The following NCOR2 variants were observed in gnomAD, a reference collection of about 807,000 sequenced individuals.
NCOR2 encodes the protein nuclear receptor corepressor 2, also known as CTG repeat protein 26.
In NCOR2, 81 loss-of-function variants were observed where a neutral mutation model predicts 262.9. The ratio of observed to expected loss-of-function variants is 0.31; its 90% CI spans 0.26 to 0.37. The LOEUF (loss-of-function observed/expected upper bound fraction) is 0.37, where lower values mean the gene tolerates loss of function less well. Among genes scored for constraint, NCOR2 ranks in the 10% least tolerant of loss-of-function variants. The pLI, the probability that NCOR2 is intolerant of heterozygous loss-of-function variation, is 1.00. For synonymous variants in NCOR2, 1,659 were observed against 1,559.3 expected (o/e 1.06, Z -1.51); for missense variants, 3,385 against 3,621.4 (o/e 0.93, Z 1.68).
intron 13 of NCOR2, among the ~76,000 whole-genome samples, chr12:124,417,180 G>GCAGGCCGGACACTCACTCCACGGAC (rs1390146903): frequency 6.7e-5 from 2 of 29,740 alleles, no homozygotes; most frequent in Non-Finnish European, 1.3e-4. Flanking sequence ...ACTCCACGCA[G>GCAGGCCGGACACTCACTCCACGGAC]AGCAGGCCGG....
chr12:124,362,158 C>T, exon 22 of NCOR2: 3 of 1,306,642 alleles, frequency 2.3e-6, no homozygotes, highest in Non-Finnish European at 2.9e-6. Context: ...CGGGCTCCTG[C>T]TCTTGCCCCG....
At chr12:124,374,602 G>A (rs1565887487) in intron 18 of NCOR2, 139 bp from the exon 21 acceptor site, 19 of 811,340 alleles carry the variant, frequency 2.3e-5, no homozygotes, top group South Asian at 1.8e-4. Flanking sequence ...CTCCTGCCCC[G>A]ACTGCCCTTC....
chr12:124,357,059 C>T (rs1161193096), intron 22 of NCOR2, among the ~76,000 whole-genome samples: 1 of 152,248 alleles, frequency 6.6e-6, no homozygotes, highest in African/African-American at 2.4e-5. Flanking sequence ...GCTTTGCAAC[C>T]CCACAAGCAC....
At chr12:124,374,274 G>A in intron 19 of NCOR2, 139 bp downstream of exon 21, 1 of 834,730 alleles carries the variant, frequency 1.2e-6, no homozygotes, top group Non-Finnish European at 1.9e-6. Flanking sequence ...AGGAAGCCCA[G>A]AGGCCGCGGA....
intron 1 of NCOR2, among the ~76,000 whole-genome samples, chr12:124,511,445 C>A (rs1346603593): frequency 6.6e-6 from 1 of 152,228 alleles, no homozygotes; most frequent in African/African-American, 2.4e-5. Flanking sequence ...GGGCACCCGG[C>A]AAACCTGGGG....
intron 22 of NCOR2, among the ~76,000 whole-genome samples, chr12:124,358,941 C>T (rs2038256135): frequency 6.6e-6 from 1 of 152,258 alleles, no homozygotes; most frequent in African/African-American, 2.4e-5. Context: ...GGTCAAAGGC[C>T]CCAGCTAGCA....
chr12:124,408,415 T>C (rs2042391342), intron 13 of NCOR2, among the ~76,000 whole-genome samples: 1 of 152,058 alleles, frequency 6.6e-6, no homozygotes, highest in South Asian at 2.1e-4. Context: ...TACCAGCTCA[T>C]GGCCATTATT....
At chr12:124,521,430 G>A (rs1031134151) in intron 1 of NCOR2, among the ~76,000 whole-genome samples, 2 of 152,170 alleles carry the variant, frequency 1.3e-5, no homozygotes, top group Non-Finnish European at 2.9e-5. Context: ...ATGGAATTCC[G>A]CCATATAAAG....
intron 6 of NCOR2, 64 bp from the exon 9 acceptor site, chr12:124,449,931 C>G: frequency 1.3e-6 from 2 of 1,540,996 alleles, no homozygotes; most frequent in African/African-American, 1.4e-5. Flanking sequence ...CAGAGCCCAC[C>G]GGTAGGAGCC....
chr12:124,564,795 G>GGGAAAC (rs1226924597), intron 1 of NCOR2, among the ~76,000 whole-genome samples: 1 of 152,072 alleles, frequency 6.6e-6, no homozygotes, highest in Non-Finnish European at 1.5e-5. Context: ...CTCAGCCAGG[G>GGGAAAC]GGAAACGGGG....
intron 44 of NCOR2, among the ~76,000 whole-genome samples, chr12:124,328,014 G>A (rs924504639): frequency 1.3e-5 from 2 of 151,326 alleles, no homozygotes; most frequent in African/African-American, 4.8e-5. Context: ...GGGCTGTTTT[G>A]TTTGTTTTTT....
chr12:124,423,889 G>T (rs544481856), intron 11 of NCOR2, among the ~76,000 whole-genome samples: 1 of 152,334 alleles, frequency 6.6e-6, no homozygotes, highest in South Asian at 2.1e-4. Flanking sequence ...AGGTTCAGAG[G>T]GGGAATGGTC....
At chr12:124,422,285 C>G (rs2043251080) in intron 12 of NCOR2, among the ~76,000 whole-genome samples, 1 of 152,208 alleles carries the variant, frequency 6.6e-6, no homozygotes, top group Admixed American at 6.5e-5. Context: ...ACCTGAGGCT[C>G]CTCCTCCATG....
intron 5 of NCOR2, among the ~76,000 whole-genome samples, chr12:124,462,116 C>T (rs530119510): frequency 2.6e-5 from 4 of 152,220 alleles, no homozygotes; most frequent in Admixed American, 6.5e-5. Context: ...TCCAAAGGCA[C>T]ACGTGTATCT....
chr12:124,434,753 CAG>C lies in NCOR2; in HGVS notation c.882+3175_882+3176del, dbSNP rs1310892508. Among the ~76,000 whole-genome samples, 17 of 152,218 alleles carry C rather than the reference CAG, an allele frequency of 1.1e-4. 1 individual carries two copies. Among genetic ancestry groups the C allele is most frequent in the African/African-American group, 4.1e-4 (17 of 41,540 alleles). On this transcript the variant is annotated intron_variant, in intron 8 of 46. Transcript: ENST00000405201. ...AGAGGATTTCCTTCCTCGCAGGAGA[CAG>C]AGGGGGAGTATTTATTAGGGGTGAA...
chr12:124,338,961 A>C (rs2036148244), intron 37 of NCOR2, among the ~76,000 whole-genome samples: 2 of 106,752 alleles, frequency 1.9e-5, no homozygotes, highest in Admixed American at 1.2e-4. Flanking sequence ...CCACCCACCT[A>C]CCTCCCTAAC....
At chr12:124,348,791 ACGCGTG>A (rs2135875350) in intron 28 of NCOR2, 1 of 172,158 alleles carries the variant, frequency 5.8e-6, no homozygotes. Context: ...AGGCAGCAGC[ACGCGTG>A]CACCGATACA....
intron 1 of NCOR2, among the ~76,000 whole-genome samples, chr12:124,558,871 G>C (rs929003902): frequency 6.6e-6 from 1 of 152,148 alleles, no homozygotes; most frequent in African/African-American, 2.4e-5. Flanking sequence ...TTCACCGCCA[G>C]GGAAACTGAG....
intron 1 of NCOR2, among the ~76,000 whole-genome samples, chr12:124,557,526 G>A (rs1238859132): frequency 1.3e-5 from 2 of 152,154 alleles, no homozygotes; most frequent in Non-Finnish European, 2.9e-5. Context: ...CCCTGCTCCA[G>A]GATGACCTCT....
Sources: allele counts gnomAD v4.1 joint callset (sites outside exome capture counted in the v4.1 genomes callset), GRCh38; gene constraint gnomAD v4.1.1; transcripts MANE v1.5; gene names NCBI Gene and HGNC (gene_info 2026-07-23, HGNC 2026-07-21).